The following RIMS1 variants were observed in gnomAD, a reference collection of about 807,000 sequenced individuals.
RIMS1 encodes the protein regulating synaptic membrane exocytosis protein 1.
In RIMS1, 83 loss-of-function variants were observed where a neutral mutation model predicts 214.1. That is an observed-to-expected ratio of 0.39 (90% confidence interval 0.32 to 0.47). The LOEUF (loss-of-function observed/expected upper bound fraction) is 0.47. Among genes scored for constraint, RIMS1 ranks in the 20% least tolerant of loss-of-function variants. The pLI is 0.99. For synonymous variants in RIMS1, 793 were observed against 786.8 expected, an observed-to-expected ratio of 1.01 and a Z score of -0.13; for missense variants, 2,050 against 2,161.8, an observed-to-expected ratio of 0.95 and a Z score of 1.03.
chr6:72,368,790 T>C (rs2098127181), intron 29 of RIMS1, among the ~76,000 whole-genome samples: 1 of 152,080 alleles, frequency 6.6e-6, no homozygotes, highest in South Asian at 2.1e-4. Context: ...GAGTAGTTCA[T>C]GGTCAATTAT....
chr6:71,902,759 T>C (rs565043545), intron 1 of RIMS1, among the ~76,000 whole-genome samples: 1 of 152,252 alleles, frequency 6.6e-6, no homozygotes, highest in Non-Finnish European at 1.5e-5. Context: ...CTCCCACTTA[T>C]AAGTGAAAAC....
intron 2 of RIMS1, among the ~76,000 whole-genome samples, chr6:72,007,055 C>G (rs1190396450): frequency 1.3e-5 from 2 of 152,176 alleles, no homozygotes; most frequent in African/African-American, 2.4e-5. Flanking sequence ...CCCAAGTAGC[C>G]TAACTGGGAG....
chr6:72,202,631 G>A (rs1452683031), intron 6 of RIMS1, among the ~76,000 whole-genome samples: 1 of 152,174 alleles, frequency 6.6e-6, no homozygotes, highest in African/African-American at 2.4e-5. Context: ...GGAGGAAAGA[G>A]ACCAAGTCCT....
At chr6:72,211,792 A>G (rs2053854574) in intron 6 of RIMS1, among the ~76,000 whole-genome samples, 1 of 152,132 alleles carries the variant, frequency 6.6e-6, no homozygotes, top group South Asian at 2.1e-4. Flanking sequence ...TTTGATTGTA[A>G]TAGGTTTTTA....
intron 6 of RIMS1, among the ~76,000 whole-genome samples, chr6:72,189,853 A>G (rs563059601): frequency 2.0e-5 from 3 of 152,238 alleles, no homozygotes; most frequent in Non-Finnish European, 4.4e-5. Context: ...CCACTTGATT[A>G]TTAAAATCCT....
intron 12 of RIMS1, among the ~76,000 whole-genome samples, chr6:72,248,922 T>G (rs76552125): frequency 0.023 from 3,429 of 152,296 alleles, 70 homozygotes; most frequent in Non-Finnish European, 0.034. Flanking sequence ...CCCTTTGGGT[T>G]TATCTGCCGG....
intron 2 of RIMS1, among the ~76,000 whole-genome samples, chr6:71,981,134 A>C (rs1196251378): frequency 6.6e-6 from 1 of 152,240 alleles, no homozygotes; most frequent in East Asian, 1.9e-4. Context: ...AAAGCAGAAG[A>C]GTGTCTAATT....
chr6:72,353,165 A>G (rs1372670356), intron 29 of RIMS1, among the ~76,000 whole-genome samples: 1 of 151,388 alleles, frequency 6.6e-6, no homozygotes, highest in African/African-American at 2.4e-5. Flanking sequence ...TTTTATTTTT[A>G]GTAGAGACGG....
chr6:72,034,796 C>T (rs183297110), intron 2 of RIMS1, among the ~76,000 whole-genome samples: 1 of 152,166 alleles, frequency 6.6e-6, no homozygotes, highest in Admixed American at 6.5e-5. Context: ...CCAAGTCTTC[C>T]AGCTCTCAGT....
intron 4 of RIMS1, among the ~76,000 whole-genome samples, chr6:72,138,114 C>G (rs1377741303): frequency 6.6e-6 from 1 of 151,804 alleles, no homozygotes; most frequent in Admixed American, 6.6e-5. Context: ...ATAGACGGTT[C>G]AAAAAGGTAG....
At chr6:72,181,961 G>T (rs777174583) in intron 5 of RIMS1, among the ~76,000 whole-genome samples, 41 of 152,138 alleles carry the variant, frequency 2.7e-4, no homozygotes, top group Non-Finnish European at 3.4e-4. Flanking sequence ...ACCTTGCAAG[G>T]TAAGTATTTT....
chr6:72,400,401 C>G, intron 33 of RIMS1, 95 bp from the exon 34 acceptor site: 1 of 1,000,400 alleles, frequency 1.0e-6, no homozygotes, highest in Admixed American at 1.8e-5. Context: ...CTCTGCTTCA[C>G]TGACTGGCCC....
At chr6:72,352,959 A>ATTTGAGAG (rs1408006782) in intron 29 of RIMS1, among the ~76,000 whole-genome samples, 1 of 143,780 alleles carries the variant, frequency 7.0e-6, no homozygotes, top group Non-Finnish European at 1.5e-5. Context: ...TAATTAAGTC[A>ATTTGAGAG]TTTGAGAGTT....
At chr6:72,000,567 A>G (rs1383446628) in intron 2 of RIMS1, among the ~76,000 whole-genome samples, 2 of 152,136 alleles carry the variant, frequency 1.3e-5, no homozygotes, top group Non-Finnish European at 2.9e-5. Flanking sequence ...TCCCTAATGC[A>G]TCTACCCCAC....
intron 6 of RIMS1, among the ~76,000 whole-genome samples, chr6:72,220,386 G>A (rs1053709528): frequency 6.6e-6 from 1 of 152,086 alleles, no homozygotes; most frequent in Non-Finnish European, 1.5e-5. Flanking sequence ...TTAAAAGAGT[G>A]TGTGGATCCC....
At chr6:72,176,466 T>C (rs2047723755) in intron 4 of RIMS1, among the ~76,000 whole-genome samples, 1 of 152,206 alleles carries the variant, frequency 6.6e-6, no homozygotes. Context: ...TATATTTTTC[T>C]TTATAACTTA....
In RIMS1 at chr6:72,285,370, G is replaced by T. The variant is rs186736852; in HGVS notation, c.3554+1252G>T. ...AATTCAGTGATTCATTCAGTTAACA[G>T]ATATATACCAACTATGTGCTAAGTT... is the stretch of plus-strand genomic sequence containing the variant. On this transcript the variant is annotated intron_variant, in intron 24 of 33. Transcript: ENST00000521978. Among the ~76,000 whole-genome samples the T allele has an allele frequency of 4.2e-4, 64 of 152,276 alleles. 1 individual carries two copies. The highest frequency in any genetic ancestry group is 1.5e-3 in the African/African-American group (61 of 41,554).
intron 1 of RIMS1, among the ~76,000 whole-genome samples, chr6:71,940,268 A>G (rs2151005534): frequency 6.6e-6 from 1 of 152,358 alleles, no homozygotes; most frequent in African/African-American, 2.4e-5. Context: ...AAGATGAAAT[A>G]AAATATTACT....
intron 1 of RIMS1, among the ~76,000 whole-genome samples, chr6:71,967,443 A>G (rs1794764213): frequency 6.6e-6 from 1 of 152,230 alleles, no homozygotes; most frequent in African/African-American, 2.4e-5. Flanking sequence ...GAGAATTGCT[A>G]AAGATTTTCG....
Sources: allele counts gnomAD v4.1 joint callset (sites outside exome capture counted in the v4.1 genomes callset), GRCh38; gene constraint gnomAD v4.1.1; transcripts MANE v1.5; gene names NCBI Gene and HGNC (gene_info 2026-07-23, HGNC 2026-07-21).